PIK3CB: variants seen among roughly 807,000 people sequenced by gnomAD.
PIK3CB encodes the protein phosphatidylinositol 4,5-bisphosphate 3-kinase catalytic subunit beta isoform.
Under a neutral mutation model 136.8 loss-of-function variants are expected in PIK3CB, and 39 were observed. That is an observed-to-expected ratio of 0.29 (90% CI 0.22 to 0.37). The LOEUF is 0.37. Ranked by LOEUF, PIK3CB falls within the 10% of genes least tolerant of loss-of-function variation. PIK3CB has a pLI of 1.00. For synonymous variants in PIK3CB, 428 were observed against 436.6 expected, an observed-to-expected ratio of 0.98 and a Z score of 0.25; for missense variants, 868 against 1,275.4, an observed-to-expected ratio of 0.68 and a Z score of 4.87.
At chr3:138,740,171 A>G (rs1342757837) in intron 5 of PIK3CB, among the ~76,000 whole-genome samples, 1 of 152,000 alleles carries the variant, frequency 6.6e-6, no homozygotes, top group East Asian at 1.9e-4. Context: ...CAGCCTGGCA[A>G]ACACAGTGAA....
intron 12 of PIK3CB, 35 bp downstream of exon 12, chr3:138,704,408 A>G (rs2044320436): frequency 7.0e-6 from 10 of 1,437,846 alleles, no homozygotes; most frequent in Non-Finnish European, 9.8e-6. Flanking sequence ...GCACAACTCC[A>G]TAAGAAAGGG....
chr3:138,732,043 G>A (rs1384203178), intron 8 of PIK3CB, among the ~76,000 whole-genome samples: 1 of 151,704 alleles, frequency 6.6e-6, no homozygotes, highest in Admixed American at 6.6e-5. Flanking sequence ...TTTAATGATA[G>A]CTACTCAAAG....
intron 2 of PIK3CB, among the ~76,000 whole-genome samples, chr3:138,790,664 A>C (rs1418079792): frequency 1.1e-4 from 16 of 151,090 alleles, no homozygotes; most frequent in Admixed American, 1.1e-3. Flanking sequence ...AAAAAAAAAA[A>C]TTAACTGGGC....
intron 18 of PIK3CB, among the ~76,000 whole-genome samples, chr3:138,683,020 T>C (rs1378371802): frequency 6.6e-6 from 1 of 152,124 alleles, no homozygotes; most frequent in Non-Finnish European, 1.5e-5. Context: ...GCAAAATCAA[T>C]ATTGCTATCA....
At chr3:138,726,549 C>T (rs934440759) in intron 8 of PIK3CB, among the ~76,000 whole-genome samples, 3 of 151,892 alleles carry the variant, frequency 2.0e-5, no homozygotes, top group Non-Finnish European at 4.4e-5. Context: ...GTTCAGAGAC[C>T]GGGGCAATGC....
chr3:138,786,221 G>A (rs1384521645), intron 2 of PIK3CB, among the ~76,000 whole-genome samples: 1 of 152,132 alleles, frequency 6.6e-6, no homozygotes, highest in Non-Finnish European at 1.5e-5. Flanking sequence ...AGCTCCAAAG[G>A]TTGCTTTAAA....
chr3:138,793,059 A>G (rs909234250), intron 2 of PIK3CB, among the ~76,000 whole-genome samples: 6 of 152,158 alleles, frequency 3.9e-5, no homozygotes. Flanking sequence ...CATTTAGGAA[A>G]AACATAGGGC....
chr3:138,730,449 T>C (rs1022810470), intron 8 of PIK3CB, among the ~76,000 whole-genome samples: 5 of 152,158 alleles, frequency 3.3e-5, no homozygotes, highest in African/African-American at 1.2e-4. Flanking sequence ...AAAGAACTGA[T>C]AAATTATCTA....
chr3:138,741,701 G>A (rs1029432405), intron 5 of PIK3CB, among the ~76,000 whole-genome samples: 62 of 152,070 alleles, frequency 4.1e-4, no homozygotes, highest in African/African-American at 1.1e-3. Flanking sequence ...GATGGCAGGC[G>A]CCTGTAATTC....
chr3:138,725,179 CTAAA>C (rs2044810864), intron 8 of PIK3CB, among the ~76,000 whole-genome samples: 1 of 151,484 alleles, frequency 6.6e-6, no homozygotes, highest in Admixed American at 6.5e-5. Context: ...TTTATACTCC[CTAAA>C]TATATATATT....
At chr3:138,803,615 C>G (rs1364170865) in intron 1 of PIK3CB, among the ~76,000 whole-genome samples, 6 of 152,094 alleles carry the variant, frequency 3.9e-5, no homozygotes, top group Non-Finnish European at 8.8e-5. Context: ...GCAGAAAAGT[C>G]CTGGGATGAG....
In PIK3CB at chr3:138,733,392, C is replaced by T; in HGVS notation, c.1019G>A (p.Gly340Glu). The T allele has an allele frequency of 6.4e-7, 1 of 1,572,364 alleles. No individual in the cohort carries two copies. The highest frequency in any genetic ancestry group is 8.7e-7 in the Non-Finnish European group (1 of 1,144,964). The change falls in exon 8 of 24, where the codon GGA (glycine) becomes GAA (glutamate). Residue 340 changes from glycine (G) to glutamate (E), a missense_variant. Physicochemically the swap from Gly to Glu is moderately conservative, Grantham distance 98 (BLOSUM62 -2). Coordinates refer to ENST00000674063, the MANE Select transcript of PIK3CB (RefSeq NM_006219.3). ...AGTTTCCTCTGTGTTAAGTTTATTT[C>T]CCTTAACCAAGACAATTTGGAAAGG... is the stretch of plus-strand genomic sequence containing the variant. ...NNPFQIVLVK[G>E]NKLNTEETVK...
chr3:138,700,485 G>T (rs956509921), intron 12 of PIK3CB, among the ~76,000 whole-genome samples: 1 of 151,972 alleles, frequency 6.6e-6, no homozygotes, highest in Non-Finnish European at 1.5e-5. Flanking sequence ...AGCCAGATCT[G>T]GGATAAATTA....
chr3:138,653,540 C>A lies in PIK3CB; in HGVS notation c.*1849G>T. Reference sequence around the variant, plus strand: ...CATTCTCCAAACCACTGACCTGCGGCCTGGTTCATGAAATGGTGGGTGGCT... The same window carrying A: ...CATTCTCCAAACCACTGACCTGCGGACTGGTTCATGAAATGGTGGGTGGCT... On this transcript the variant is annotated 3_prime_UTR_variant, in exon 24 of 24. Coordinates refer to ENST00000674063, the MANE Select transcript of PIK3CB (RefSeq NM_006219.3). The A allele has an allele frequency of 5.5e-6, 1 of 183,058 alleles. No individual in the cohort carries two copies. The highest frequency in any genetic ancestry group is 1.2e-5 in the Non-Finnish European group (1 of 86,012). The allele number at this position is 183,058 out of a possible 1,614,324, so 11.3% of individuals were successfully genotyped here. A position where few individuals can be genotyped will look rare whatever the true frequency, so the allele number is the denominator to read the frequency against.
intron 1 of PIK3CB, among the ~76,000 whole-genome samples, chr3:138,812,476 C>A (rs760717249): frequency 2.6e-5 from 4 of 151,622 alleles, no homozygotes; most frequent in Admixed American, 2.0e-4. Context: ...ATCTCGTGAT[C>A]CGCCCACCTC....
intron 13 of PIK3CB, among the ~76,000 whole-genome samples, chr3:138,695,661 T>A (rs2044120542): frequency 6.6e-6 from 1 of 152,108 alleles, no homozygotes; most frequent in Admixed American, 6.6e-5. Context: ...TCAGTTGTTT[T>A]ACATTTGAAA....
At chr3:138,694,079 GC>G (rs1454400610) in intron 14 of PIK3CB, among the ~76,000 whole-genome samples, 1 of 149,242 alleles carries the variant, frequency 6.7e-6, no homozygotes, top group African/African-American at 2.5e-5. Context: ...AGCAGGCTTG[GC>G]TGCTATCCTC....
intron 2 of PIK3CB, among the ~76,000 whole-genome samples, chr3:138,787,168 C>G (rs1003893587): frequency 5.3e-5 from 8 of 152,118 alleles, no homozygotes; most frequent in Admixed American, 6.5e-5. Flanking sequence ...CAAGTTTAAA[C>G]TATACCACTC....
At chr3:138,671,587 C>A (rs2043534134) in intron 19 of PIK3CB, among the ~76,000 whole-genome samples, 2 of 152,218 alleles carry the variant, frequency 1.3e-5, no homozygotes, top group Admixed American at 1.3e-4. Context: ...GCTGACATTT[C>A]AATGCCCACC....
Sources: gnomAD v4.1 joint callset for allele counts (sites outside exome capture counted in the v4.1 genomes callset) on GRCh38, gnomAD v4.1.1 for gene constraint, MANE v1.5 for transcripts, NCBI Gene and HGNC (gene_info 2026-07-23, HGNC 2026-07-21) for gene names.